DGKH: variants seen among roughly 807,000 people sequenced by gnomAD.
DGKH encodes DAG kinase eta.
In DGKH, 90 loss-of-function variants were observed where a neutral mutation model predicts 159.3. That is an observed-to-expected ratio of 0.57 (90% CI 0.48 to 0.67). DGKH has a LOEUF of 0.67. DGKH is among the 30% of genes least tolerant of loss of function. DGKH has a pLI of 0.00. For synonymous variants in DGKH, 536 were observed against 553.8 expected, an observed-to-expected ratio of 0.97 and a Z score of 0.45; for missense variants, 1,181 against 1,506.1, an observed-to-expected ratio of 0.78 and a Z score of 3.57.
intron 14 of DGKH, among the ~76,000 whole-genome samples, chr13:42,187,894 C>T (rs1463377058): frequency 3.3e-5 from 5 of 152,172 alleles, no homozygotes; most frequent in Non-Finnish European, 7.3e-5. Context: ...TTTCTTTCCC[C>T]CTTTATAAAC....
At chr13:42,168,414 TA>T (rs760251254) in intron 9 of DGKH, 25 bp from the exon 10 acceptor site, 19 of 1,584,428 alleles carry the variant, frequency 1.2e-5, no homozygotes, top group Non-Finnish European at 1.6e-5. Flanking sequence ...TTCTTTATAC[TA>T]AAATAAAATC....
At chr13:42,140,286 C>A (rs1466366822) in intron 3 of DGKH, 5 of 152,342 alleles carry the variant, frequency 3.3e-5, no homozygotes, top group African/African-American at 1.2e-4. Context: ...GACTGACCTT[C>A]CCAGTGTGTG....
At chr13:42,114,327 T>C (rs927746685) in intron 1 of DGKH, among the ~76,000 whole-genome samples, 2 of 152,184 alleles carry the variant, frequency 1.3e-5, no homozygotes, top group Non-Finnish European at 1.5e-5. Flanking sequence ...CCTGAAGAGC[T>C]CCTAAAGATA....
At chr13:42,096,378 A>G (rs1012996471) in intron 1 of DGKH, among the ~76,000 whole-genome samples, 1 of 152,176 alleles carries the variant, frequency 6.6e-6, no homozygotes, top group Admixed American at 6.5e-5. Context: ...GCTTAGGACA[A>G]TGGCCTCCAG....
At chr13:42,041,809 C>T (rs570616290) in intron 1 of DGKH, among the ~76,000 whole-genome samples, 1 of 152,314 alleles carries the variant, frequency 6.6e-6, no homozygotes, top group African/African-American at 2.4e-5. Context: ...ACATTGTGAG[C>T]CAGTCTGAAA....
intron 1 of DGKH, among the ~76,000 whole-genome samples, chr13:42,106,177 T>C (rs187661717): frequency 6.6e-6 from 1 of 152,112 alleles, no homozygotes; most frequent in East Asian, 1.9e-4. Flanking sequence ...CTGGCTAGTT[T>C]TTGTATTTTT....
intron 1 of DGKH, chr13:42,070,695 C>G (rs1882903494): frequency 1.2e-5 from 20 of 1,612,122 alleles, no homozygotes; most frequent in Non-Finnish European, 1.5e-5. Flanking sequence ...GCAGCTGATA[C>G]ATGAAAAGCC....
At chr13:42,170,815 T>C (rs2057619) in intron 11 of DGKH, among the ~76,000 whole-genome samples, 148,340 of 151,984 alleles carry the variant, frequency 0.98, 72,482 homozygotes, top group East Asian at 1. Flanking sequence ...TGGTGGTGGG[T>C]ACCTGTAATC....
At chr13:42,200,370 T>A (rs1354305486) in intron 20 of DGKH, among the ~76,000 whole-genome samples, 1 of 152,202 alleles carries the variant, frequency 6.6e-6, no homozygotes, top group East Asian at 1.9e-4. Flanking sequence ...TTTTGAGCAT[T>A]TAAATGTTTT....
chr13:42,123,952 C>T (rs1955123763), intron 1 of DGKH, among the ~76,000 whole-genome samples: 1 of 152,134 alleles, frequency 6.6e-6, no homozygotes, highest in African/African-American at 2.4e-5. Context: ...AGTATCTTGA[C>T]TATGGTAGTG....
intron 3 of DGKH, among the ~76,000 whole-genome samples, chr13:42,146,319 C>G (rs1955731402): frequency 6.6e-6 from 1 of 152,098 alleles, no homozygotes; most frequent in Non-Finnish European, 1.5e-5. Context: ...AAGTTTAACA[C>G]AATATCAGGA....
upstream of DGKH, among the ~76,000 whole-genome samples, chr13:42,048,412 G>GA (rs1349412621): frequency 2.1e-3 from 3 of 1,408 alleles, no homozygotes; most frequent in Non-Finnish European, 4.7e-3. The surrounding 1 kb of genome is among the most constrained non-coding windows in gnomAD (Gnocchi z 6.7). Context: ...CCATCCTAGG[G>GA]ACCCAGACCG....
At position 42,089,666 on chromosome 13, in the gene DGKH, C is replaced by T. The variant is rs1436137246; in HGVS notation, c.193-37797C>T. Among the ~76,000 whole-genome samples, 4 of 152,304 alleles carry T rather than the reference C, an allele frequency of 2.6e-5. 1 individual carries two copies. The highest frequency in any genetic ancestry group is 4.1e-4 in the South Asian group (2 of 4,824). ...ACCACCATCTCTGCTTCTCTGCCTT[C>T]TGCTGCCTTCTTCTACTTATAAGGA... On this transcript the variant is annotated intron_variant, in intron 1 of 29. Coordinates refer to ENST00000337343, the MANE Select transcript of DGKH (RefSeq NM_178009.5).
chr13:42,193,750 C>T lies in DGKH; in HGVS notation c.2036-1135C>T, dbSNP rs1957140879. ...GGGTGGCTGTTCTGTTACTTTAGTG[C>T]AATGGGACTGTTTTTGAATGAGACA... On this transcript the variant is annotated intron_variant, in intron 16 of 29. Coordinates refer to ENST00000337343, the MANE Select transcript of DGKH (RefSeq NM_178009.5). 2.0e-5 allele frequency among the ~76,000 whole-genome samples: 3 copies of T among 152,164 alleles called. No individual in the cohort carries two copies. In the South Asian group the frequency reaches 6.2e-4, roughly 32 times the overall value.
At chr13:42,151,478 G>GGT (rs143470293) in intron 3 of DGKH, among the ~76,000 whole-genome samples, 9,618 of 125,854 alleles carry the variant, frequency 0.076, 772 homozygotes, top group African/African-American at 0.21. Context: ...AGTATTCCAT[G>GGT]GTGTGTGTGT....
At chr13:42,091,961 T>C (rs1180837222) in intron 1 of DGKH, among the ~76,000 whole-genome samples, 3 of 152,204 alleles carry the variant, frequency 2.0e-5, no homozygotes, top group African/African-American at 7.2e-5. Context: ...GTAGTTCTTT[T>C]TTAGTTTTTT....
In DGKH at chr13:42,174,114, A is replaced by G; in HGVS notation, c.1422A>G (p.Pro474=). ...LKLPPKASLL[P]GPPEASEEFY... ...TGCCACCAAAAGCTTCCCTACTTCC[A>G]GGACCTCCAGAAGCATCTGAAGAAT... Residue 474 remains proline (P), a synonymous_variant, in exon 12 of 30, where the codon CCA becomes CCG. Coordinates refer to ENST00000337343, the MANE Select transcript of DGKH (RefSeq NM_178009.5). 6.2e-7 allele frequency: 1 copy of G among 1,613,992 alleles called. No homozygotes were observed. The highest frequency in any genetic ancestry group is 8.5e-7 in the Non-Finnish European group (1 of 1,179,954).
intron 1 of DGKH, among the ~76,000 whole-genome samples, chr13:42,110,952 G>A (rs1954852164): frequency 6.6e-6 from 1 of 152,078 alleles, no homozygotes; most frequent in South Asian, 2.1e-4. Flanking sequence ...TACCTGCTGG[G>A]CTTAACACCT....
In DGKH at chr13:42,174,065, G is replaced by C. The variant is rs1158928396; in HGVS notation, c.1373G>C (p.Ser458Thr). The change falls in exon 12 of 30, where the codon AGT (serine) becomes ACT (threonine). Residue 458 changes from serine to threonine, a missense_variant. Ser to Thr is a moderately conservative substitution (Grantham distance 58). This residue lies in a region of DGKH where 369 missense variants were observed against 519.4 expected (regional missense o/e 0.71). Transcript: ENST00000337343. ...RASTKMLDRW[S>T]IMTYELKLPP... The stretch of plus-strand genomic sequence containing the variant: ...AAGAGTTTTTCTCCCTTCAGGTGGA[G>C]TATAATGACATATGAACTCAAATTG... The C allele has an allele frequency of 1.9e-6, 3 of 1,613,176 alleles. No homozygotes were observed. Among genetic ancestry groups the C allele is most frequent in the Non-Finnish European group, 2.5e-6 (3 of 1,179,662 alleles).
Sources: gnomAD v4.1 joint callset for allele counts (sites outside exome capture counted in the v4.1 genomes callset) on GRCh38, gnomAD v4.1.1 for gene constraint, gnomAD v4.1.1 regional missense constraint, Gnocchi (gnomAD v3.1) non-coding constraint, MANE v1.5 for transcripts, NCBI Gene and HGNC (gene_info 2026-07-23, HGNC 2026-07-21) for gene names.